Variants in RNF180 observed in about 807,000 individuals in gnomAD.
RNF180 encodes ring finger protein 180, also known as E3 ubiquitin-protein ligase RNF180.
Under a neutral mutation model 59.2 loss-of-function variants are expected in RNF180, and 38 were observed. That is an observed-to-expected ratio of 0.64 (90% CI 0.50 to 0.84). The LOEUF is 0.84. Among genes scored for constraint, RNF180 ranks in the 40% least tolerant of loss-of-function variants. RNF180 has a pLI of 0.00. For missense variants in RNF180, 705 were observed against 700.9 expected (o/e 1.01, Z -0.07); for synonymous variants, 262 against 240.3 (o/e 1.09, Z -0.84).
intron 4 of RNF180, among the ~76,000 whole-genome samples, chr5:64,216,099 G>C (rs1232949270): frequency 6.6e-6 from 1 of 152,064 alleles, no homozygotes; most frequent in African/African-American, 2.4e-5. Context: ...TCAGTGTAGG[G>C]AGTGACATGG....
intron 1 of RNF180, among the ~76,000 whole-genome samples, chr5:64,189,191 G>A (rs1246148560): frequency 6.6e-6 from 1 of 151,964 alleles, no homozygotes; most frequent in African/African-American, 2.4e-5. Flanking sequence ...CCCAGTCTAT[G>A]GTATTGTGTT....
intron 5 of RNF180, among the ~76,000 whole-genome samples, chr5:64,259,580 A>G (rs768792441): frequency 7.9e-5 from 12 of 152,082 alleles, no homozygotes; most frequent in Non-Finnish European, 1.6e-4. Context: ...TTGTTTTTTC[A>G]AATTTAAGTT....
At chr5:64,201,011 C>T (rs758388343) in intron 2 of RNF180, 69 bp downstream of exon 2, 6 of 1,169,026 alleles carry the variant, frequency 5.1e-6, no homozygotes, top group Non-Finnish European at 7.4e-6. Context: ...CACACACATG[C>T]ACACTTATTC....
At chr5:64,211,053 C>T (rs569350820) in intron 2 of RNF180, among the ~76,000 whole-genome samples, 202 of 152,206 alleles carry the variant, frequency 1.3e-3, no homozygotes, top group African/African-American at 4.6e-3. Context: ...GTGGAAACTA[C>T]ATTCTTTGGT....
At position 64,371,909 on chromosome 5, in the gene RNF180, C is replaced by G. The variant is rs1311994512; in HGVS notation, c.*2095C>G. On this transcript the variant is annotated 3_prime_UTR_variant, in exon 8 of 8. Transcript: ENST00000389100. ...CCAGTTTCTTCTGGTATGTAGCACA[C>G]AGTAGCCATTCAAAATAAAATACAT... 1 of 151,504 alleles carries G rather than the reference C, an allele frequency of 6.6e-6. No homozygotes were observed. The highest frequency in any genetic ancestry group is 1.5e-5 in the Non-Finnish European group (1 of 67,706). The allele number at this position is 151,504 out of a possible 1,614,324, so 9.4% of individuals were successfully genotyped here.
At chr5:64,221,225 C>T (rs781505674) in intron 5 of RNF180, among the ~76,000 whole-genome samples, 1 of 151,926 alleles carries the variant, frequency 6.6e-6, no homozygotes, top group Non-Finnish European at 1.5e-5. Flanking sequence ...CATTCATTCT[C>T]CTCTTCCTCA....
chr5:64,169,022 T>C lies in RNF180; in HGVS notation c.-1+3069T>C, dbSNP rs77994789. Among the ~76,000 whole-genome samples, 758 of 152,298 alleles carry C rather than the reference T, an allele frequency of 5.0e-3. 7 individuals carry two copies. The highest frequency in any genetic ancestry group is 0.017 in the African/African-American group (715 of 41,556). On this transcript the variant is annotated intron_variant, in intron 1 of 7. Coordinates refer to ENST00000389100, the MANE Select transcript of RNF180 (RefSeq NM_001113561.2). ...ACATCAGATTACTTAAGGTTACTTT[T>C]AAGTGTTAAAGCAGAAGGGGCTACT...
chr5:64,332,314 TA>T (rs1345262469), intron 7 of RNF180, among the ~76,000 whole-genome samples: 4 of 152,346 alleles, frequency 2.6e-5, no homozygotes, highest in Admixed American at 2.6e-4. Context: ...ATGCGTTCAT[TA>T]GCAGAAGCTC....
intron 1 of RNF180, among the ~76,000 whole-genome samples, chr5:64,171,371 G>A (rs1035190922): frequency 6.6e-6 from 1 of 152,126 alleles, no homozygotes. Context: ...ACTACTTTTG[G>A]CAGTTTTGTT....
chr5:64,305,430 G>C lies in RNF180; in HGVS notation c.1228-19756G>C, dbSNP rs182410616. Among the ~76,000 whole-genome samples, 502 of 149,598 alleles carry C rather than the reference G, an allele frequency of 3.4e-3. 1 individual carries two copies. Among genetic ancestry groups the C allele is most frequent in the South Asian group, 0.013 (60 of 4,764 alleles). On this transcript the variant is annotated intron_variant, in intron 5 of 7. Coordinates refer to ENST00000389100, the MANE Select transcript of RNF180 (RefSeq NM_001113561.2). ...TTCCTTCTGAGCTTATCTTTTTCTT[G>C]TTGTACCATATTAAATGCAGCCAGT...
intron 7 of RNF180, among the ~76,000 whole-genome samples, chr5:64,345,012 A>G (rs1745501017): frequency 6.6e-6 from 1 of 152,022 alleles, no homozygotes; most frequent in Admixed American, 6.6e-5. Flanking sequence ...GCCTATATTA[A>G]TAAAATCAGT....
chr5:64,281,280 G>C (rs192469851), intron 5 of RNF180, among the ~76,000 whole-genome samples: 1 of 152,124 alleles, frequency 6.6e-6, no homozygotes, highest in Non-Finnish European at 1.5e-5. Flanking sequence ...TTATTATTTG[G>C]ATGTCTTTTG....
chr5:64,226,981 C>T (rs1741805730), intron 5 of RNF180, among the ~76,000 whole-genome samples: 1 of 152,132 alleles, frequency 6.6e-6, no homozygotes, highest in Non-Finnish European at 1.5e-5. Context: ...ATGGAGAAAC[C>T]CGGCTGACTC....
chr5:64,234,406 C>T (rs1742281135), intron 5 of RNF180, among the ~76,000 whole-genome samples: 1 of 151,596 alleles, frequency 6.6e-6, no homozygotes, highest in Non-Finnish European at 1.5e-5. Context: ...GCAGAGGCTG[C>T]AGTGAGCCAA....
chr5:64,216,978 A>G (rs1228611662), intron 4 of RNF180, among the ~76,000 whole-genome samples: 3 of 152,234 alleles, frequency 2.0e-5, no homozygotes, highest in Admixed American at 2.0e-4. Context: ...CTTGTGCTAT[A>G]TACCTTTATA....
chr5:64,292,874 T>C (rs752349980), intron 5 of RNF180, among the ~76,000 whole-genome samples: 1 of 152,154 alleles, frequency 6.6e-6, no homozygotes, highest in Non-Finnish European at 1.5e-5. Context: ...GAGGGATGCA[T>C]TGGGGTCCCA....
At chr5:64,232,378 G>GC (rs1362037693) in intron 5 of RNF180, among the ~76,000 whole-genome samples, 2 of 152,078 alleles carry the variant, frequency 1.3e-5, no homozygotes, top group Non-Finnish European at 2.9e-5. Context: ...TCTGGGATAG[G>GC]CCCCAGACAG....
intron 5 of RNF180, among the ~76,000 whole-genome samples, chr5:64,253,265 A>G (rs1267663625): frequency 6.6e-6 from 1 of 152,148 alleles, no homozygotes; most frequent in Non-Finnish European, 1.5e-5. Context: ...TTAATTCCAA[A>G]AACTAAGGCA....
At chr5:64,246,752 C>G (rs542403816) in intron 5 of RNF180, among the ~76,000 whole-genome samples, 4 of 152,176 alleles carry the variant, frequency 2.6e-5, no homozygotes, top group African/African-American at 9.7e-5. Flanking sequence ...TCCTCCCAAA[C>G]TCATTTTATG....
Sources: gnomAD v4.1 joint callset for allele counts (sites outside exome capture counted in the v4.1 genomes callset) on GRCh38, gnomAD v4.1.1 for gene constraint, MANE v1.5 for transcripts, NCBI Gene and HGNC (gene_info 2026-07-23, HGNC 2026-07-21) for gene names.